The following C3orf33 variants were observed in gnomAD, a reference collection of about 807,000 sequenced individuals.
The protein encoded by C3orf33 is mitochondrial inner membrane subdomain organizer 1.
C3orf33 carries 23 observed loss-of-function variants against 28.7 expected under a neutral mutation model. The observed-to-expected ratio is 0.80, with a 90% confidence interval of 0.58 to 1.13. The LOEUF (loss-of-function observed/expected upper bound fraction) is 1.13, where lower values mean the gene tolerates loss of function less well. C3orf33 is among the 50% of genes most tolerant of loss of function. The probability of loss-of-function intolerance (pLI) is 0.00; values close to 1 mark genes in which losing one functional copy is unlikely to be tolerated. For missense variants in C3orf33, 327 were observed against 353.4 expected, an observed-to-expected ratio of 0.93 and a Z score of 0.60; for synonymous variants, 119 against 120.5, an observed-to-expected ratio of 0.99 and a Z score of 0.08.
chr3:155,767,762 T>A (rs573031398), intron 3 of C3orf33, 93 bp from the exon 4 acceptor site: 22 of 790,692 alleles, frequency 2.8e-5, no homozygotes, highest in South Asian at 2.8e-4. Flanking sequence ...AACAAATATA[T>A]TATGTTTATT....
rs780179946 is a variant in C3orf33 at position 155,775,843 on chromosome 3, T to C, written c.180A>G (p.Ser60=). The part of the protein sequence containing the change: ...MLLLRSIRLT[S]KFTSSSDIPV... ...GAATATCCGAAGAGCTTGTAAATTT[T>C]GATGTCTATTGATTTACAGGGAGAA... The change falls in exon 3 of 5, where the codon TCA becomes TCG. Residue 60 remains serine, a synonymous_variant. Transcript: ENST00000340171. 6.3e-7 allele frequency: 1 copy of C among 1,581,800 alleles called. No homozygotes were observed. Among genetic ancestry groups the C allele is most frequent in the Non-Finnish European group, 8.6e-7 (1 of 1,157,086 alleles).
At chr3:155,777,159 A>G (rs1475772057) in intron 2 of C3orf33, among the ~76,000 whole-genome samples, 2 of 152,002 alleles carry the variant, frequency 1.3e-5, no homozygotes, top group Non-Finnish European at 2.9e-5. Flanking sequence ...TACTAAAAAT[A>G]CAAAATTAGT....
rs1349503592 is a variant in C3orf33, at chr3:155,806,258, C to T, written c.-6G>A. ...GCCGCGGGCTGCCCCGCCATGTTCC[C>T]GGCCTCCTGCGAGCGGCCCTGAGCT... On this transcript the variant is annotated 5_prime_UTR_variant, in exon 1 of 5. Coordinates refer to ENST00000340171, the MANE Select transcript of C3orf33 (RefSeq NM_001308229.2). The T allele has an allele frequency of 2.7e-6, 4 of 1,464,630 alleles. No individual in the cohort carries two copies. Among genetic ancestry groups the T allele is most frequent in the South Asian group, 2.6e-5 (2 of 76,226 alleles). 90.7% of individuals were successfully genotyped at this position (1,464,630 alleles called of 1,614,324 possible).
chr3:155,790,858 G>A lies in C3orf33; in HGVS notation c.174+11674C>T, dbSNP rs190279312. ...TCACCACCACGGGATAATGTATTCT[G>A]GGGTCCTAAATAAACTTGAAAGGCA... On this transcript the variant is annotated intron_variant, in intron 2 of 4. Coordinates refer to ENST00000340171, the MANE Select transcript of C3orf33 (RefSeq NM_001308229.2). Among the ~76,000 whole-genome samples, 538 of 152,230 alleles carry A rather than the reference G, an allele frequency of 3.5e-3. 4 individuals are homozygous for A. The highest frequency in any genetic ancestry group is 4.6e-3 in the Admixed American group (70 of 15,286).
intron 2 of C3orf33, among the ~76,000 whole-genome samples, chr3:155,799,163 G>A (rs537220095): frequency 1.3e-5 from 2 of 152,278 alleles, no homozygotes; most frequent in East Asian, 1.9e-4. Flanking sequence ...TTCGTACACT[G>A]TTGGTGAAAA....
rs1250339591 is a variant in C3orf33 at position 155,763,697 on chromosome 3, T to C, written c.705A>G (p.Glu235=). The C allele has an allele frequency of 6.3e-7, 1 of 1,595,358 alleles. No individual in the cohort carries two copies. Among genetic ancestry groups the C allele is most frequent in the Non-Finnish European group, 8.5e-7 (1 of 1,175,528 alleles). ...TTAAAAAACTGTCCTTTTTCCATAT[T>C]TCTCTCCAGGAATCTTTGAATTTTT... is the stretch of plus-strand genomic sequence containing the variant. ...YLEKFKDSWR[E]IWKKDSFLKT... is the part of the protein sequence containing the mutation. The change falls in exon 5 of 5, where the codon GAA becomes GAG. Residue 235 remains glutamate (E), a synonymous_variant. Coordinates refer to ENST00000340171, the MANE Select transcript of C3orf33 (RefSeq NM_001308229.2).
chr3:155,762,638 A>AT lies in C3orf33; in HGVS notation c.*878dup, dbSNP rs1750269823. The AT allele has an allele frequency of 1.3e-5, 2 of 152,218 alleles. No homozygotes were observed. The highest frequency in any genetic ancestry group is 4.8e-5 in the African/African-American group (2 of 41,466). 9.4% of individuals were successfully genotyped at this position (152,218 alleles called of 1,614,324 possible). On this transcript the variant is annotated 3_prime_UTR_variant, in exon 5 of 5. Coordinates refer to ENST00000340171, the MANE Select transcript of C3orf33 (RefSeq NM_001308229.2). The stretch of plus-strand genomic sequence containing the variant: ...GACATAAAGCATAAAGAATTCCTTT[A>AT]TTATAAATAGTGAAAGGTAATAAAA...
chr3:155,764,415 TAA>T (rs1322908948), intron 4 of C3orf33, among the ~76,000 whole-genome samples: 1 of 152,202 alleles, frequency 6.6e-6, no homozygotes, highest in African/African-American at 2.4e-5. Context: ...AATACATTTT[TAA>T]AAGACTTCCC....
At chr3:155,776,387 T>G (rs1432545437) in intron 2 of C3orf33, among the ~76,000 whole-genome samples, 1 of 152,166 alleles carries the variant, frequency 6.6e-6, no homozygotes, top group African/African-American at 2.4e-5. Context: ...TCCCTAACAC[T>G]TAGGTGATAT....
intron 3 of C3orf33, among the ~76,000 whole-genome samples, 177 bp from the exon 4 acceptor site, chr3:155,767,846 T>A (rs1750461704): frequency 6.6e-6 from 1 of 152,192 alleles, no homozygotes; most frequent in South Asian, 2.1e-4. Context: ...ACAATACAAG[T>A]ATATATAACA....
chr3:155,783,299 C>T (rs922890310), intron 2 of C3orf33, among the ~76,000 whole-genome samples: 6 of 151,992 alleles, frequency 3.9e-5, no homozygotes, highest in East Asian at 1.9e-4. Flanking sequence ...GGATTACAGG[C>T]GTGTGCCACC....
intron 1 of C3orf33, among the ~76,000 whole-genome samples, chr3:155,804,875 A>T (rs62284741): frequency 0.13 from 19,601 of 152,194 alleles, 1,703 homozygotes; most frequent in East Asian, 0.37. Context: ...GTTGCCAAGG[A>T]CAGCATCTAC....
chr3:155,767,272 T>C (rs1254983717), intron 4 of C3orf33, among the ~76,000 whole-genome samples: 2 of 151,810 alleles, frequency 1.3e-5, no homozygotes, highest in African/African-American at 2.4e-5. Context: ...TAATAAATAA[T>C]AATTTGAAGT....
chr3:155,785,546 CAG>C (rs1321334887), intron 2 of C3orf33, among the ~76,000 whole-genome samples: 1 of 151,956 alleles, frequency 6.6e-6, no homozygotes, highest in Admixed American at 6.6e-5. Flanking sequence ...AAATAAATAA[CAG>C]AAGAAAAAAT....
chr3:155,801,149 C>G (rs952969436), intron 2 of C3orf33, among the ~76,000 whole-genome samples: 11 of 151,910 alleles, frequency 7.2e-5, no homozygotes, highest in African/African-American at 2.4e-4. Flanking sequence ...CCTGTCTCTA[C>G]CAAAAATACA....
chr3:155,795,959 A>T (rs144545523), intron 2 of C3orf33, among the ~76,000 whole-genome samples: 3,024 of 152,082 alleles, frequency 0.02, 100 homozygotes, highest in African/African-American at 0.069. Flanking sequence ...CCATCTAAAA[A>T]AATAATAATA....
intron 2 of C3orf33, among the ~76,000 whole-genome samples, chr3:155,800,456 T>C (rs953530242): frequency 6.6e-6 from 1 of 151,274 alleles, no homozygotes; most frequent in Non-Finnish European, 1.5e-5. Flanking sequence ...AATTAAAAAT[T>C]AGCCAGGCAT....
At chr3:155,771,293 T>C (rs1750585206) in intron 3 of C3orf33, among the ~76,000 whole-genome samples, 1 of 151,930 alleles carries the variant, frequency 6.6e-6, no homozygotes, top group Non-Finnish European at 1.5e-5. Context: ...TATTTGTTTG[T>C]TTTTTGAAAT....
intron 2 of C3orf33, among the ~76,000 whole-genome samples, chr3:155,797,264 A>C (rs983326151): frequency 3.3e-5 from 5 of 152,328 alleles, no homozygotes; most frequent in Admixed American, 3.3e-4. Context: ...ACATTCCTTC[A>C]TGATAAAACC....
Sources: gnomAD v4.1 joint callset for allele counts (sites outside exome capture counted in the v4.1 genomes callset) on GRCh38, gnomAD v4.1.1 for gene constraint, MANE v1.5 for transcripts, NCBI Gene and HGNC (gene_info 2026-07-23, HGNC 2026-07-21) for gene names.